The following MGAM variants were observed in gnomAD, a reference collection of about 807,000 sequenced individuals.
MGAM encodes the protein alpha-1,4-glucosidase.
Under a neutral mutation model 358.8 loss-of-function variants are expected in MGAM, and 253 were observed. The observed-to-expected ratio is 0.71, with a 90% CI of 0.64 to 0.78. The LOEUF is 0.78. Among genes scored for constraint, MGAM ranks in the 30% least tolerant of loss-of-function variants. The pLI, the probability that MGAM is intolerant of heterozygous loss-of-function variation, is 0.00. For synonymous variants in MGAM, 1,105 were observed against 1,227.1 expected (o/e 0.90, Z 2.08); for missense variants, 3,080 against 3,432.6 (o/e 0.90, Z 2.57).
At chr7:142,097,092 C>T (rs1815986454) in intron 65 of MGAM, among the ~76,000 whole-genome samples, 1 of 150,532 alleles carries the variant, frequency 6.6e-6, no homozygotes, top group African/African-American at 2.5e-5. Flanking sequence ...CCAGGCCCGG[C>T]CAATTTAAAT....
In MGAM at chr7:142,036,283, A is replaced by C; in HGVS notation, c.2074A>C (p.Lys692Gln). Residue 692 changes from lysine to glutamine, a missense_variant and splice_region_variant, in exon 17 of 71, where the codon AAG (lysine) becomes CAG (glutamine). Lys to Gln is a moderately conservative substitution (Grantham distance 53). This residue lies in a region of MGAM where 1,816 missense variants were observed against 1,840.5 expected (regional missense o/e 0.99). Coordinates refer to ENST00000475668, the MANE Select transcript of MGAM (RefSeq NM_001365693.1). ...FSRNHNGQGYKDQDPASFGAD... is the reference protein window; with the variant it reads ...FSRNHNGQGYQDQDPASFGAD... ...TAGAAATCACAATGGCCAAGGCTAC[A>C]AGGTAAGGCTCCTAGGACATAGAGT... is the stretch of plus-strand genomic sequence containing the variant. The C allele has an allele frequency of 6.3e-7, 1 of 1,597,758 alleles. No individual in the cohort carries two copies. The highest frequency in any genetic ancestry group is 8.5e-7 in the Non-Finnish European group (1 of 1,169,906).
intron 1 of MGAM, among the ~76,000 whole-genome samples, chr7:142,001,033 A>G (rs1403869755): frequency 1.3e-5 from 2 of 152,242 alleles, no homozygotes; most frequent in Admixed American, 6.5e-5. Flanking sequence ...ATCAGTGAAC[A>G]TAAGATTACT....
intron 2 of MGAM, among the ~76,000 whole-genome samples, chr7:141,990,434 GT>G (rs1803898290): frequency 6.6e-6 from 1 of 152,160 alleles, no homozygotes; most frequent in Non-Finnish European, 1.5e-5. Context: ...ATAATCCAGT[GT>G]TTTGAATCTG....
At chr7:142,006,470 A>T (rs1554452462) in intron 2 of MGAM, among the ~76,000 whole-genome samples, 3 of 152,138 alleles carry the variant, frequency 2.0e-5, no homozygotes, top group Non-Finnish European at 4.4e-5. Context: ...CAGAAAGTCA[A>T]CAAGGAAAAT....
chr7:142,100,762 CT>C, intron 67 of MGAM, 39 bp from the exon 68 acceptor site: 1 of 1,562,954 alleles, frequency 6.4e-7, no homozygotes, highest in Non-Finnish European at 8.7e-7. Context: ...GTGGCTGTGG[CT>C]TTACTTTTAG....
chr7:142,098,812 T>C (rs1457077117), intron 66 of MGAM, among the ~76,000 whole-genome samples: 1 of 152,200 alleles, frequency 6.6e-6, no homozygotes, highest in African/African-American at 2.4e-5. Flanking sequence ...AAAGAAATCA[T>C]GGAGCAAGCT....
rs763228970 is a variant in MGAM, at chr7:142,055,543, G to A, written c.3315-15G>A. Reference sequence around the variant, plus strand: ...AGCTCATTTTCTGTTTCAAATCTGCGTTTTTGTGTTTCAGTTGGGACTCTC... The same window carrying A: ...AGCTCATTTTCTGTTTCAAATCTGCATTTTTGTGTTTCAGTTGGGACTCTC... On this transcript the variant is annotated splice_polypyrimidine_tract_variant and intron_variant, in intron 27 of 70. Transcript: ENST00000475668. The A allele has an allele frequency of 7.7e-5, 125 of 1,613,846 alleles. No homozygotes were observed. Among genetic ancestry groups the A allele is most frequent in the Middle Eastern group, 1.7e-4 (1 of 6,060 alleles).
At chr7:142,051,652 T>A (rs1057145058) in intron 24 of MGAM, among the ~76,000 whole-genome samples, 2 of 152,178 alleles carry the variant, frequency 1.3e-5, no homozygotes, top group African/African-American at 4.8e-5. Flanking sequence ...ATAATGTTTT[T>A]TTCAACTTTT....
intron 3 of MGAM, among the ~76,000 whole-genome samples, chr7:142,015,127 C>A (rs1805876234): frequency 6.6e-6 from 1 of 151,998 alleles, no homozygotes; most frequent in Non-Finnish European, 1.5e-5. Context: ...GTTGTGGTTT[C>A]AGTGCTAATT....
chr7:142,042,772 T>C (rs1809166844), intron 21 of MGAM, among the ~76,000 whole-genome samples: 1 of 78,956 alleles, frequency 1.3e-5, no homozygotes, highest in Non-Finnish European at 2.2e-5. Context: ...TATATATACA[T>C]ATATCTAAAT....
chr7:142,049,815 TGGA>T (rs1477390460), intron 22 of MGAM, among the ~76,000 whole-genome samples: 1 of 152,180 alleles, frequency 6.6e-6, no homozygotes, highest in Non-Finnish European at 1.5e-5. Flanking sequence ...GGCGAGGATG[TGGA>T]GAAAATGGAA....
At chr7:141,995,971 T>C (rs1207795291) in intron 1 of MGAM, 41 bp downstream of exon 1, 1 of 152,156 alleles carries the variant, frequency 6.6e-6, no homozygotes, top group Admixed American at 6.5e-5. Flanking sequence ...GTTACAGATG[T>C]GTGTCTACAA....
intron 19 of MGAM, among the ~76,000 whole-genome samples, chr7:142,039,006 C>T (rs1184354640): frequency 2.0e-5 from 3 of 152,006 alleles, no homozygotes; most frequent in Admixed American, 6.6e-5. Flanking sequence ...TCTAGGGAGG[C>T]CTCAGGAAGC....
At chr7:142,038,740 G>A (rs148102770) in intron 19 of MGAM, 125 bp downstream of exon 19, 9 of 612,814 alleles carry the variant, frequency 1.5e-5, no homozygotes, top group Admixed American at 3.7e-5. Context: ...CTTGAAGAGA[G>A]TGTGCTAGGT....
chr7:142,086,723 G>T lies in MGAM; in HGVS notation c.6810+6G>T. On this transcript the variant is annotated splice_donor_region_variant and intron_variant, in intron 57 of 70. Transcript: ENST00000475668. The stretch of plus-strand genomic sequence containing the variant: ...ACTGGGACAGTCAAGTGGAGGTAAA[G>T]GGTCTTTGTAAATTTGGGTGGAGTC... 1 of 1,099,978 alleles carries T rather than the reference G, an allele frequency of 9.1e-7. No homozygotes were observed. The highest frequency in any genetic ancestry group is 1.3e-6 in the Non-Finnish European group (1 of 797,484). 68.1% of individuals were successfully genotyped at this position (1,099,978 alleles called of 1,614,324 possible). A position where few individuals can be genotyped will look rare whatever the true frequency, so the allele number is the denominator to read the frequency against.
chr7:142,086,817 C>A, intron 57 of MGAM, 100 bp downstream of exon 57: 2 of 569,666 alleles, frequency 3.5e-6, no homozygotes, highest in Non-Finnish European at 5.5e-6. Flanking sequence ...ATGGGCTTGG[C>A]AAGGGAGAAA....
At chr7:142,030,974 T>G (rs1024068498) in intron 12 of MGAM, among the ~76,000 whole-genome samples, 2 of 151,992 alleles carry the variant, frequency 1.3e-5, no homozygotes, top group African/African-American at 4.8e-5. Flanking sequence ...GTAAGTCCCT[T>G]TAAACAACAG....
intron 1 of MGAM, among the ~76,000 whole-genome samples, chr7:142,001,612 C>T (rs995779664): frequency 9.9e-5 from 15 of 152,134 alleles, no homozygotes; most frequent in African/African-American, 3.6e-4. Context: ...AGCTATGGCT[C>T]CTCTTCCTGG....
intron 19 of MGAM, 91 bp from the exon 20 acceptor site, chr7:142,040,024 C>T: frequency 1.0e-6 from 1 of 974,364 alleles, no homozygotes; most frequent in Non-Finnish European, 1.6e-6. Context: ...GGCATTCCTG[C>T]CCTCTCTGTG....
Sources: gnomAD v4.1 joint callset for allele counts (sites outside exome capture counted in the v4.1 genomes callset) on GRCh38, gnomAD v4.1.1 for gene constraint, gnomAD v4.1.1 regional missense constraint, MANE v1.5 for transcripts, NCBI Gene and HGNC (gene_info 2026-07-23, HGNC 2026-07-21) for gene names.